MAP3K19: variants seen among roughly 807,000 people sequenced by gnomAD.
The protein encoded by MAP3K19 is SPS1/STE20-related protein kinase YSK4.
In MAP3K19, 91 loss-of-function variants were observed where a neutral mutation model predicts 114.4. The observed-to-expected ratio is 0.80, with a 90% CI of 0.67 to 0.95. MAP3K19 has a LOEUF of 0.95. Among genes scored for constraint, MAP3K19 ranks in the 40% least tolerant of loss-of-function variants. MAP3K19 has a pLI of 0.00. For synonymous variants in MAP3K19, 518 were observed against 530.5 expected (o/e 0.98, Z 0.32); for missense variants, 1,471 against 1,573.2 (o/e 0.94, Z 1.10).
intron 11 of MAP3K19, among the ~76,000 whole-genome samples, chr2:134,981,880 C>CTTTTTTTT (rs567597251): frequency 3.4e-3 from 422 of 124,494 alleles, no homozygotes; most frequent in Non-Finnish European, 5.4e-3. Flanking sequence ...GATTTCTTTT[C>CTTTTTTTT]TTTTTTTTTT....
chr2:134,998,211 A>G (rs1056687643), intron 8 of MAP3K19, among the ~76,000 whole-genome samples: 3 of 152,164 alleles, frequency 2.0e-5, no homozygotes, highest in Non-Finnish European at 4.4e-5. Flanking sequence ...TGACCCTGGG[A>G]CCTGGTAGAA....
In MAP3K19 at chr2:134,986,846, C is replaced by G. The variant is rs1112542; in HGVS notation, c.2026G>C (p.Glu676Gln). 42,281 of 1,614,132 alleles carry G rather than the reference C, an allele frequency of 0.026. 4,040 individuals carry two copies. The East Asian group carries it at 0.36, about 14-fold the overall frequency. ...FGTPVYCHVR[E>Q]TERDENTYYR... is the part of the protein sequence containing the mutation. ...TACGTGTTTTCATCCCTTTCAGTCT[C>G]TCGCACATGACAATAAACAGGGGTC... The change falls in exon 10 of 13, where the codon GAG becomes CAG. Residue 676 changes from glutamate to glutamine, a missense_variant. Glu to Gln is a conservative substitution (Grantham distance 29). Transcript: ENST00000392915.
intron 5 of MAP3K19, among the ~76,000 whole-genome samples, chr2:135,021,194 T>G (rs966503416): frequency 2.0e-5 from 3 of 151,782 alleles, no homozygotes; most frequent in African/African-American, 7.3e-5. Flanking sequence ...AAGTAGGAGG[T>G]AGGGCCTTTG....
chr2:135,036,408 T>C (rs1481581876), intron 2 of MAP3K19, among the ~76,000 whole-genome samples: 1 of 152,212 alleles, frequency 6.6e-6, no homozygotes, highest in Non-Finnish European at 1.5e-5. Flanking sequence ...ATAAATATTT[T>C]ATGAATGAGT....
chr2:134,974,948 A>T (rs1429906722), intron 12 of MAP3K19, among the ~76,000 whole-genome samples: 1 of 152,168 alleles, frequency 6.6e-6, no homozygotes, highest in Non-Finnish European at 1.5e-5. Context: ...GTCTTAGTAT[A>T]ATTTCTTCAG....
intron 1 of MAP3K19, among the ~76,000 whole-genome samples, chr2:135,045,490 G>A (rs1226890358): frequency 6.6e-6 from 1 of 152,120 alleles, no homozygotes; most frequent in Non-Finnish European, 1.5e-5. Context: ...CGAAACAAAG[G>A]ATAATTAAAA....
Position 134,986,922 on chromosome 2 carries a change from G to T in MAP3K19, c.1950C>A (p.Phe650Leu), listed in dbSNP as rs190010427. 6.2e-7 allele frequency: 1 copy of T among 1,614,026 alleles called. No homozygotes were observed. Among genetic ancestry groups the T allele is most frequent in the Admixed American group, 1.7e-5 (1 of 60,022 alleles). The change falls in exon 10 of 13, where the codon TTC becomes TTA. Residue 650 changes from phenylalanine (F) to leucine (L), a missense_variant. Transcript: ENST00000392915. ...CATTAGCAGTTGAATTGATTTCTTT[G>T]AACATATCACTATACTTAAGATCTA... ...NYLDLKYSDM[F>L]KEINSTANGP...
intron 9 of MAP3K19, among the ~76,000 whole-genome samples, chr2:134,989,470 T>A (rs958004591): frequency 6.6e-6 from 1 of 152,142 alleles, no homozygotes; most frequent in Non-Finnish European, 1.5e-5. Context: ...GACCCCAGTT[T>A]TACTGTCTAG....
intron 5 of MAP3K19, among the ~76,000 whole-genome samples, chr2:135,007,702 G>T (rs548895700): frequency 4.4e-4 from 67 of 151,992 alleles, no homozygotes; most frequent in Admixed American, 1.0e-3. Context: ...AGACTATCCT[G>T]GTTGTCAATG....
chr2:134,983,291 A>C (rs370158386), intron 11 of MAP3K19: 2 of 540,406 alleles, frequency 3.7e-6, no homozygotes, highest in Non-Finnish European at 7.5e-6. Flanking sequence ...TAACATATTC[A>C]GCTGTTGAAG....
At chr2:135,028,243 GAATA>G (rs1282280532) in intron 3 of MAP3K19, among the ~76,000 whole-genome samples, 1 of 152,242 alleles carries the variant, frequency 6.6e-6, no homozygotes, top group South Asian at 2.1e-4. Flanking sequence ...TTCACTGAAT[GAATA>G]AATAATTTAT....
chr2:135,040,069 C>T (rs907102910), intron 2 of MAP3K19, among the ~76,000 whole-genome samples: 1 of 152,160 alleles, frequency 6.6e-6, no homozygotes, highest in African/African-American at 2.4e-5. Context: ...CATCATGTGG[C>T]GCCATTAGAC....
At position 134,998,946 on chromosome 2, in the gene MAP3K19, A is replaced by T; in HGVS notation, c.366T>A (p.His122Gln). ...GCTCCACCGTTTCTATTTCATTTGG[A>T]TGAGAAACTGCATGTGCTTGTGCCC... Reference protein sequence around the residue: ...QEWAQAHAVSHPNEIETVELR... With the variant: ...QEWAQAHAVSQPNEIETVELR... The change falls in exon 8 of 13, where the codon CAT becomes CAA. Residue 122 changes from histidine (H) to glutamine (Q), a missense_variant. Transcript: ENST00000392915. 4.3e-6 allele frequency: 7 copies of T among 1,614,158 alleles called. No homozygotes were observed. The highest frequency in any genetic ancestry group is 5.9e-6 in the Non-Finnish European group (7 of 1,180,022).
rs566231912 is a variant in MAP3K19 at position 135,046,854 on chromosome 2, T to C, written c.-424+331A>G. On this transcript the variant is annotated intron_variant, in intron 1 of 12. Transcript: ENST00000392915. Reference sequence around the variant, plus strand: ...TGGTTACAAGAAGATTCATACCATGTAAAGTTTACACATATTTGGGTGATT... The same window carrying C: ...TGGTTACAAGAAGATTCATACCATGCAAAGTTTACACATATTTGGGTGATT... Among the ~76,000 whole-genome samples, 151 of 152,334 alleles carry C rather than the reference T, an allele frequency of 9.9e-4. 2 individuals are homozygous for C. Among genetic ancestry groups the C allele is most frequent in the African/African-American group, 3.4e-3 (143 of 41,576 alleles).
chr2:135,013,564 T>C (rs1687385652), intron 5 of MAP3K19, among the ~76,000 whole-genome samples: 1 of 152,192 alleles, frequency 6.6e-6, no homozygotes, highest in Non-Finnish European at 1.5e-5. Context: ...CCTAAAAATC[T>C]TCTTTGCTCT....
At chr2:134,991,431 G>C in intron 9 of MAP3K19, 106 bp downstream of exon 9, 5 of 931,624 alleles carry the variant, frequency 5.4e-6, no homozygotes, top group Non-Finnish European at 8.9e-6. Context: ...CCTACCCCCT[G>C]CATTGTTGAA....
chr2:135,031,250 C>T (rs1291572250), intron 2 of MAP3K19, among the ~76,000 whole-genome samples: 1 of 151,576 alleles, frequency 6.6e-6, no homozygotes, highest in African/African-American at 2.4e-5. Flanking sequence ...TCGACAAAAT[C>T]TATTAAGATA....
chr2:135,031,322 C>T (rs1381739834), intron 2 of MAP3K19, among the ~76,000 whole-genome samples: 1 of 152,096 alleles, frequency 6.6e-6, no homozygotes, highest in Non-Finnish European at 1.5e-5. Context: ...CCTGAGGAAT[C>T]AGACTCAGCC....
chr2:135,037,664 AT>A (rs1688561978), intron 2 of MAP3K19, among the ~76,000 whole-genome samples: 1 of 152,166 alleles, frequency 6.6e-6, no homozygotes, highest in African/African-American at 2.4e-5. Context: ...TTTCAAGCTT[AT>A]TTGTATAGTG....
Sources: gnomAD v4.1 joint callset for allele counts (sites outside exome capture counted in the v4.1 genomes callset) on GRCh38, gnomAD v4.1.1 for gene constraint, MANE v1.5 for transcripts, NCBI Gene and HGNC (gene_info 2026-07-23, HGNC 2026-07-21) for gene names.